Variants in MGST1 observed in about 807,000 individuals in gnomAD.
MGST1 encodes microsomal glutathione S-transferase 1.
A neutral mutation model predicts 8.9 loss-of-function variants in MGST1; 5 were observed. The ratio of observed to expected loss-of-function variants is 0.56; its 90% CI spans 0.29 to 1.19. MGST1 has a LOEUF of 1.19. Among genes scored for constraint, MGST1 ranks in the 50% most tolerant of loss-of-function variants. The probability of loss-of-function intolerance (pLI) is 0.08; values close to 1 mark genes in which losing one functional copy is unlikely to be tolerated. For missense variants in MGST1, 182 were observed against 187.4 expected (o/e 0.97, Z 0.17); for synonymous variants, 54 against 67.8 (o/e 0.80, Z 1.00).
intron 4 of MGST1, among the ~76,000 whole-genome samples, chr12:16,571,131 T>C (rs1033414765): frequency 1.3e-5 from 2 of 152,142 alleles, no homozygotes; most frequent in Non-Finnish European, 2.9e-5. Flanking sequence ...TAACTACTAA[T>C]GTTTTCTTTT....
At chr12:16,457,612 T>C (rs915875035) in intron 4 of MGST1, among the ~76,000 whole-genome samples, 4 of 151,998 alleles carry the variant, frequency 2.6e-5, no homozygotes, top group African/African-American at 9.7e-5. Context: ...GAGATTTTCA[T>C]TGATTAGTTT....
In MGST1 at chr12:16,501,359, C is replaced by G. The variant is rs552807216; in HGVS notation, n.483-88169C>G. ...CTAGAACAGAATATATACCTCACAACTGTATCTGAACAGATTCTCGTTACA... is the reference window on the plus strand; with the variant it reads ...CTAGAACAGAATATATACCTCACAAGTGTATCTGAACAGATTCTCGTTACA... On this transcript the variant is annotated intron_variant and non_coding_transcript_variant, in intron 4 of 4. Transcript: ENST00000538857. Among the ~76,000 whole-genome samples the G allele has an allele frequency of 3.5e-4, 53 of 152,298 alleles. No homozygotes were observed. In the South Asian group the frequency reaches 0.011, roughly 31 times the overall value.
At chr12:16,592,008 G>A (rs1254785191), downstream of MGST1, among the ~76,000 whole-genome samples, 1 of 151,890 alleles carries the variant, frequency 6.6e-6, no homozygotes, top group African/African-American at 2.4e-5. Flanking sequence ...ATGTTTATCA[G>A]GTGTAGAAAA....
chr12:16,563,537 CTT>C (rs1036236820), intron 4 of MGST1, among the ~76,000 whole-genome samples: 9 of 152,012 alleles, frequency 5.9e-5, no homozygotes, highest in Admixed American at 5.9e-4. Context: ...AAAACAGTCT[CTT>C]AACTATCTAA....
At chr12:16,541,921 G>A (rs1358335242) in intron 4 of MGST1, among the ~76,000 whole-genome samples, 1 of 152,178 alleles carries the variant, frequency 6.6e-6, no homozygotes, top group Admixed American at 6.5e-5. Flanking sequence ...ACAAAAGTAA[G>A]TCAGTCATGG....
intron 4 of MGST1, among the ~76,000 whole-genome samples, chr12:16,554,038 G>A (rs1283049881): frequency 1.3e-5 from 2 of 152,050 alleles, no homozygotes; most frequent in African/African-American, 4.8e-5. Flanking sequence ...ATTATGGTAA[G>A]GAATAAGAAG....
intron 1 of MGST1, among the ~76,000 whole-genome samples, chr12:16,423,152 A>C (rs2137085655): frequency 6.6e-6 from 1 of 152,274 alleles, no homozygotes; most frequent in Non-Finnish European, 1.5e-5. Flanking sequence ...TTTCTTAGGG[A>C]TCACTGACTT....
intron 1 of MGST1, among the ~76,000 whole-genome samples, chr12:16,348,685 C>G (rs1262873143): frequency 6.6e-6 from 1 of 151,956 alleles, no homozygotes; most frequent in African/African-American, 2.4e-5. Context: ...GCTGTGAGTC[C>G]CAGCCTACAC....
At chr12:16,400,197 C>T in intron 1 of MGST1, 1 of 998,080 alleles carries the variant, frequency 1.0e-6, no homozygotes, top group Non-Finnish European at 1.6e-6. Context: ...TTGTCTCTCC[C>T]ACTTCTGTGT....
chr12:16,382,253 T>C (rs916023946), upstream of MGST1, among the ~76,000 whole-genome samples: 11 of 152,308 alleles, frequency 7.2e-5, no homozygotes, highest in Middle Eastern at 3.4e-3. Context: ...TCTGTTTTTT[T>C]CCCATCTTTG....
intron 4 of MGST1, among the ~76,000 whole-genome samples, chr12:16,536,573 C>G (rs754869964): frequency 3.3e-5 from 5 of 152,172 alleles, no homozygotes; most frequent in Non-Finnish European, 7.3e-5. Context: ...TGTCCATTTT[C>G]ATGCTGCTGA....
In MGST1 at chr12:16,492,713, G is replaced by T. The variant is rs570214976; in HGVS notation, n.483-96815G>T. 4.6e-5 allele frequency among the ~76,000 whole-genome samples: 7 copies of T among 152,170 alleles called. No individual in the cohort carries two copies. In the South Asian group the frequency reaches 1.2e-3, roughly 27 times the overall value. ...TATCACTAAAGATTTTTTTAAAAAG[G>T]TCATTAAGGTAATTTGAACTTTATA... On this transcript the variant is annotated intron_variant and non_coding_transcript_variant, in intron 4 of 4. Coordinates refer to the MGST1 transcript ENST00000538857.
rs989837112 is a variant in MGST1 at position 16,362,120 on chromosome 12, G to T, written c.222-1675G>T. The stretch of plus-strand genomic sequence containing the variant: ...TAACGTGCCTAAGATTGGAGGTGAC[G>T]ATATCTCTGTGATGCTGGGGGAGAA... On this transcript the variant is annotated intron_variant, in intron 3 of 3. Transcript: ENST00000396210. This position sits in a 1 kb window ranked among gnomAD's most constrained non-coding sequence, Gnocchi z 4.4. 1.3e-5 allele frequency among the ~76,000 whole-genome samples: 2 copies of T among 152,140 alleles called. No individual in the cohort carries two copies.
chr12:16,442,101 C>T (rs1418687459), downstream of MGST1, among the ~76,000 whole-genome samples: 1 of 151,826 alleles, frequency 6.6e-6, no homozygotes, highest in African/African-American at 2.4e-5. This position sits in a 1 kb window ranked among gnomAD's most constrained non-coding sequence, Gnocchi z 4.5. Flanking sequence ...TATTTTCCAT[C>T]TCTCTTTTCT....
At chr12:16,493,681 C>T (rs1941453376) in intron 4 of MGST1, among the ~76,000 whole-genome samples, 1 of 152,082 alleles carries the variant, frequency 6.6e-6, no homozygotes, top group African/African-American at 2.4e-5. Flanking sequence ...GAGACTCTCT[C>T]AGGAGACTCC....
chr12:16,509,475 C>A (rs1290185913), intron 4 of MGST1, among the ~76,000 whole-genome samples: 2 of 152,164 alleles, frequency 1.3e-5, no homozygotes, highest in African/African-American at 4.8e-5. Context: ...TTAGTAAACA[C>A]TATAGCTTTA....
At chr12:16,534,990 T>C (rs1941746269) in intron 4 of MGST1, among the ~76,000 whole-genome samples, 1 of 152,180 alleles carries the variant, frequency 6.6e-6, no homozygotes, top group African/African-American at 2.4e-5. Context: ...ATTTTTGTTG[T>C]CCTTACTTTG....
At chr12:16,405,723 T>C (rs1023621847) in intron 1 of MGST1, among the ~76,000 whole-genome samples, 2 of 152,064 alleles carry the variant, frequency 1.3e-5, no homozygotes, top group African/African-American at 4.8e-5. Flanking sequence ...CACAATGAAA[T>C]AGGCTTTATC....
In MGST1 at chr12:16,587,328, T is replaced by C. The variant is rs1591815187; in HGVS notation, n.483-2200T>C. 1.3e-5 allele frequency among the ~76,000 whole-genome samples: 2 copies of C among 152,336 alleles called. No homozygotes were observed. Among genetic ancestry groups the C allele is most frequent in the Admixed American group, 1.3e-4 (2 of 15,290 alleles). On this transcript the variant is annotated intron_variant and non_coding_transcript_variant, in intron 4 of 4. Transcript: ENST00000538857. This position sits in a 1 kb window ranked among gnomAD's most constrained non-coding sequence, Gnocchi z 4.3. ...CACTGCAGTGTTACAGCTTTCTAAA[T>C]GGTAAGTAACTGTTTAAAAATTCCA...
Sources: allele counts gnomAD v4.1 joint callset (sites outside exome capture counted in the v4.1 genomes callset), GRCh38; gene constraint gnomAD v4.1.1; non-coding constraint Gnocchi (gnomAD v3.1); transcripts MANE v1.5; gene names NCBI Gene and HGNC (gene_info 2026-07-23, HGNC 2026-07-21).